The following OSBP variants were observed in gnomAD, a reference collection of about 807,000 sequenced individuals.
The protein encoded by OSBP is oxysterol-binding protein 1.
OSBP carries 32 observed loss-of-function variants against 96.6 expected under a neutral mutation model. The ratio of observed to expected loss-of-function variants is 0.33; its 90% CI spans 0.25 to 0.45. The LOEUF (loss-of-function observed/expected upper bound fraction) is 0.45. OSBP is among the 20% of genes least tolerant of loss of function. The probability of loss-of-function intolerance (pLI) is 1.00; values close to 1 mark genes in which losing one functional copy is unlikely to be tolerated. For synonymous variants in OSBP, 369 were observed against 389.6 expected, an observed-to-expected ratio of 0.95 and a Z score of 0.62; for missense variants, 653 against 1,029.7, an observed-to-expected ratio of 0.63 and a Z score of 5.01.
intron 7 of OSBP, among the ~76,000 whole-genome samples, chr11:59,599,302 C>G (rs115628825): frequency 0.023 from 3,454 of 152,298 alleles, 126 homozygotes; most frequent in African/African-American, 0.08. Flanking sequence ...ATGTTAACAA[C>G]TGAATTCATC....
chr11:59,593,878 T>C, intron 8 of OSBP, 132 bp downstream of exon 8: 2 of 1,430,226 alleles, frequency 1.4e-6, no homozygotes, highest in African/African-American at 2.9e-5. Flanking sequence ...AACGCTGACG[T>C]TCTGAAGAAA....
At chr11:59,590,798 T>G (rs1471669399) in intron 9 of OSBP, among the ~76,000 whole-genome samples, 4 of 152,228 alleles carry the variant, frequency 2.6e-5, no homozygotes, top group Non-Finnish European at 5.9e-5. Flanking sequence ...CCATGGCAAA[T>G]GTAAAAATTT....
rs191297102 is a variant in OSBP, at chr11:59,609,062, C to T, written c.572-328G>A. ...CACACTGAAGTTTGAAAACCACTGA[C>T]CTACAATACAGAATGGAAAAGCTGA... On this transcript the variant is annotated intron_variant, in intron 2 of 13. Transcript: ENST00000263847. Among the ~76,000 whole-genome samples, 147 of 152,314 alleles carry T rather than the reference C, an allele frequency of 9.7e-4. 1 individual carries two copies. Among genetic ancestry groups the T allele is most frequent in the Non-Finnish European group, 1.6e-3 (109 of 68,036 alleles).
chr11:59,593,499 A>T (rs1317419376), intron 9 of OSBP, 105 bp downstream of exon 9: 1 of 1,309,572 alleles, frequency 7.6e-7, no homozygotes, highest in Admixed American at 1.7e-5. Flanking sequence ...TCAGTGCTCG[A>T]ATCAGACCTC....
chr11:59,608,342 C>T (rs1860808334), intron 3 of OSBP, 142 bp downstream of exon 3: 6 of 970,394 alleles, frequency 6.2e-6, no homozygotes, highest in Non-Finnish European at 9.5e-6. Flanking sequence ...ATGCAGTAAA[C>T]AATGTAACTT....
chr11:59,594,401 C>CGA (rs1358517073), intron 7 of OSBP, 146 bp from the exon 8 acceptor site: 1 of 696,244 alleles, frequency 1.4e-6, no homozygotes, highest in Non-Finnish European at 2.4e-6. Flanking sequence ...GCAAACAACC[C>CGA]ATTCTCCTTG....
chr11:59,610,516 A>T lies in OSBP; in HGVS notation c.436T>A (p.Ser146Thr), dbSNP rs373860788. ...LATANITVEDSCNFIISNGGA... is the reference protein window; with the variant it reads ...LATANITVEDTCNFIISNGGA... ...CCATTGGAAATGATGAAGTTGCAGG[A>T]GTCCTCCACGGTGATGTTGGCTGTG... Residue 146 changes from serine (S) to threonine (T), a missense_variant, in exon 2 of 14, where the codon TCC becomes ACC. Ser to Thr is a moderately conservative substitution (Grantham distance 58). Around this residue, in one of 6 missense-constraint regions of OSBP, gnomAD observed 308 missense variants for 573.1 expected, o/e 0.54. Transcript: ENST00000263847. 3.7e-6 allele frequency: 6 copies of T among 1,614,220 alleles called. No homozygotes were observed. Among genetic ancestry groups the T allele is most frequent in the Admixed American group, 1.7e-5 (1 of 60,024 alleles).
At chr11:59,585,018 T>C (rs1388413239) in intron 9 of OSBP, among the ~76,000 whole-genome samples, 1 of 152,072 alleles carries the variant, frequency 6.6e-6, no homozygotes, top group African/African-American at 2.4e-5. Flanking sequence ...TGCCTTGGCC[T>C]CCCAAAATGC....
At chr11:59,611,788 T>C (rs964929896) in intron 1 of OSBP, among the ~76,000 whole-genome samples, 1 of 152,186 alleles carries the variant, frequency 6.6e-6, no homozygotes, top group Non-Finnish European at 1.5e-5. Context: ...GACTGACAGT[T>C]CTATTAATAG....
Position 59,578,274 on chromosome 11 carries a change from C to T in OSBP, c.1935G>A (p.Thr645=), listed in dbSNP as rs553115621. 7.4e-6 allele frequency: 12 copies of T among 1,614,214 alleles called. No homozygotes were observed. The Admixed American group carries it at 1.3e-4, about 18-fold the overall frequency. ...TGAAACATTCCATTTTCTCATCCCA[C>T]GTCCCCAGAAGAGCAAAGTGGACTT... ...SGKVHFALLG[T]WDEKMECFKV... The change falls in exon 12 of 14, where the codon ACG becomes ACA. Residue 645 remains threonine, a synonymous_variant. Coordinates refer to ENST00000263847, the MANE Select transcript of OSBP (RefSeq NM_002556.3).
At chr11:59,593,487 G>T (rs1351859070) in intron 9 of OSBP, 117 bp downstream of exon 9, 3 of 1,111,956 alleles carry the variant, frequency 2.7e-6, no homozygotes, top group Non-Finnish European at 4.0e-6. Context: ...AGTTAGTGAG[G>T]GTCAGTGCTC....
At chr11:59,602,389 A>G (rs1860734766) in intron 3 of OSBP, among the ~76,000 whole-genome samples, 1 of 152,222 alleles carries the variant, frequency 6.6e-6, no homozygotes, top group Non-Finnish European at 1.5e-5. Context: ...TGCAGGAAGA[A>G]GGTTTAAAAA....
intron 1 of OSBP, among the ~76,000 whole-genome samples, chr11:59,612,021 C>T (rs1455109801): frequency 6.6e-6 from 1 of 152,210 alleles, no homozygotes; most frequent in Non-Finnish European, 1.5e-5. Flanking sequence ...AGTCCTTTGC[C>T]AACTGCCACA....
chr11:59,612,582 G>A (rs183219465), intron 1 of OSBP, among the ~76,000 whole-genome samples: 185 of 152,174 alleles, frequency 1.2e-3, no homozygotes, highest in Non-Finnish European at 1.9e-3. Context: ...AAATACCAAG[G>A]AACTCTGGGA....
At chr11:59,602,996 C>T (rs1860740884) in intron 3 of OSBP, among the ~76,000 whole-genome samples, 1 of 152,150 alleles carries the variant, frequency 6.6e-6, no homozygotes, top group Non-Finnish European at 1.5e-5. Flanking sequence ...ATCCCTATCC[C>T]CTGTTTCTAA....
chr11:59,591,945 G>A (rs1161488612), intron 9 of OSBP, among the ~76,000 whole-genome samples: 1 of 152,048 alleles, frequency 6.6e-6, no homozygotes, highest in African/African-American at 2.4e-5. Context: ...TCCAAGGTTG[G>A]TTGAATCCAT....
chr11:59,590,410 C>T (rs1024284332), intron 9 of OSBP, among the ~76,000 whole-genome samples: 7 of 152,174 alleles, frequency 4.6e-5, no homozygotes, highest in African/African-American at 1.7e-4. Context: ...GCCAGATTGC[C>T]TCAACTCAGA....
Position 59,575,144 on chromosome 11 carries a change from T to C in OSBP, c.*1433A>G, listed in dbSNP as rs1740506205. 1 of 152,224 alleles carries C rather than the reference T, an allele frequency of 6.6e-6. No individual in the cohort carries two copies. Among genetic ancestry groups the C allele is most frequent in the South Asian group, 2.1e-4 (1 of 4,830 alleles). The allele number at this position is 152,224 out of a possible 1,614,324, so 9.4% of individuals were successfully genotyped here. A position where few individuals can be genotyped will look rare whatever the true frequency, so the allele number is the denominator to read the frequency against. ...CCTAGGAAGAAAGTTCTTTTGGAAT[T>C]CAGCCTATGCGCCGGACAGAGCAGA... On this transcript the variant is annotated 3_prime_UTR_variant, in exon 14 of 14. Coordinates refer to ENST00000263847, the MANE Select transcript of OSBP (RefSeq NM_002556.3).
chr11:59,610,186 A>C (rs548978639), intron 2 of OSBP, among the ~76,000 whole-genome samples, 195 bp downstream of exon 2: 1 of 152,250 alleles, frequency 6.6e-6, no homozygotes, highest in South Asian at 2.1e-4. Flanking sequence ...GACATTGCCA[A>C]ATGTCCCCTG....
Sources: gnomAD v4.1 joint callset for allele counts (sites outside exome capture counted in the v4.1 genomes callset) on GRCh38, gnomAD v4.1.1 for gene constraint, gnomAD v4.1.1 regional missense constraint, MANE v1.5 for transcripts, NCBI Gene and HGNC (gene_info 2026-07-23, HGNC 2026-07-21) for gene names.